GALNT14: variants seen among roughly 807,000 people sequenced by gnomAD.
The protein encoded by GALNT14 is polypeptide N-acetylgalactosaminyltransferase 14, also known as UDP-GalNAc:polypeptide N-acetylgalactosaminyltransferase 14.
In GALNT14, 60 loss-of-function variants were observed where a neutral mutation model predicts 77.5. The observed-to-expected ratio is 0.77, with a 90% CI of 0.63 to 0.96. The LOEUF is 0.96. Among genes scored for constraint, GALNT14 ranks in the 40% least tolerant of loss-of-function variants. The pLI is 0.00. For missense variants in GALNT14, 710 were observed against 731.0 expected, an observed-to-expected ratio of 0.97 and a Z score of 0.33; for synonymous variants, 280 against 281.7, an observed-to-expected ratio of 0.99 and a Z score of 0.06.
At chr2:31,046,621 T>C (rs62140634) in intron 1 of GALNT14, among the ~76,000 whole-genome samples, 65,247 of 151,886 alleles carry the variant, frequency 0.43, 14,327 homozygotes, top group East Asian at 0.55. Context: ...ATTATGTAGT[T>C]GGAAACTTAT....
chr2:31,008,534 C>A (rs1350938581), intron 1 of GALNT14, among the ~76,000 whole-genome samples: 2 of 152,148 alleles, frequency 1.3e-5, no homozygotes, highest in South Asian at 4.1e-4. Context: ...TCCCCCCAGC[C>A]TTGCTGTCTC....
intron 2 of GALNT14, among the ~76,000 whole-genome samples, chr2:30,975,451 C>A (rs1668576734): frequency 6.6e-6 from 1 of 152,108 alleles, no homozygotes; most frequent in African/African-American, 2.4e-5. Flanking sequence ...GTAAAATATG[C>A]CCAAGATGTC....
the GALNT14 span, among the ~76,000 whole-genome samples, chr2:30,898,706 G>T: frequency 1.3e-5 from 2 of 152,154 alleles, no homozygotes; most frequent in African/African-American, 4.8e-5. Flanking sequence ...TCACAGAAAG[G>T]CTTTTTGCTT....
chr2:30,888,808 T>C, the GALNT14 span, among the ~76,000 whole-genome samples: 1 of 152,182 alleles, frequency 6.6e-6, no homozygotes, highest in Non-Finnish European at 1.5e-5. Flanking sequence ...CCAGGTTAGC[T>C]AAATCTGTGG....
the GALNT14 span, among the ~76,000 whole-genome samples, chr2:30,890,024 G>C: frequency 1.3e-5 from 2 of 152,130 alleles, no homozygotes; most frequent in African/African-American, 4.8e-5. Flanking sequence ...AAAGAGGGGT[G>C]TAGAAGAAAA....
intron 1 of GALNT14, among the ~76,000 whole-genome samples, chr2:31,028,271 C>T (rs1259657029): frequency 6.6e-6 from 1 of 152,134 alleles, no homozygotes; most frequent in Non-Finnish European, 1.5e-5. Context: ...AGCCATTTCC[C>T]TCCTCTGAGG....
intron 10 of GALNT14, among the ~76,000 whole-genome samples, chr2:30,930,383 A>G (rs1030296117): frequency 6.6e-6 from 1 of 152,228 alleles, no homozygotes; most frequent in Non-Finnish European, 1.5e-5. Context: ...GGTGTAAAGA[A>G]CTAAGTAATC....
At chr2:30,979,560 G>A (rs910808410) in intron 2 of GALNT14, among the ~76,000 whole-genome samples, 1 of 152,102 alleles carries the variant, frequency 6.6e-6, no homozygotes, top group African/African-American at 2.4e-5. Context: ...GGAGGGGAGA[G>A]CAGTTTGGAT....
At chr2:31,086,750 T>C (rs1438707574) in intron 1 of GALNT14, among the ~76,000 whole-genome samples, 1 of 152,170 alleles carries the variant, frequency 6.6e-6, no homozygotes. Context: ...ACCTAAGGAA[T>C]GGTTGGTGCA....
intron 2 of GALNT14, among the ~76,000 whole-genome samples, chr2:30,984,631 C>T (rs1432986233): frequency 6.6e-6 from 1 of 152,208 alleles, no homozygotes; most frequent in Non-Finnish European, 1.5e-5. Flanking sequence ...TCCTATAAAA[C>T]ACTGGCTCTT....
At chr2:31,114,834 C>A in intron 1 of GALNT14, 2 of 716,906 alleles carry the variant, frequency 2.8e-6, no homozygotes. Context: ...CCTCCTAAGT[C>A]CCAAAGATAA....
intron 1 of GALNT14, among the ~76,000 whole-genome samples, chr2:31,042,597 T>C (rs753944841): frequency 6.6e-6 from 1 of 152,150 alleles, no homozygotes; most frequent in Admixed American, 6.5e-5. Flanking sequence ...TCCATCTCCA[T>C]TGATGGCAAC....
chr2:31,063,652 G>C (rs1674746331), intron 1 of GALNT14, among the ~76,000 whole-genome samples: 1 of 152,192 alleles, frequency 6.6e-6, no homozygotes, highest in African/African-American at 2.4e-5. Context: ...ACTTTGGGCA[G>C]TATGGCCACT....
intron 1 of GALNT14, among the ~76,000 whole-genome samples, chr2:31,088,657 T>C (rs1406821453): frequency 1.3e-5 from 2 of 152,204 alleles, no homozygotes; most frequent in African/African-American, 2.4e-5. Flanking sequence ...GGTTATTGGT[T>C]GTGCAGAATT....
the GALNT14 span, among the ~76,000 whole-genome samples, chr2:30,889,959 A>G: frequency 2.0e-5 from 3 of 152,160 alleles, no homozygotes; most frequent in Non-Finnish European, 4.4e-5. Context: ...GCTGCATTAA[A>G]CCGTGAGTAT....
chr2:30,935,927 A>C (rs1437904719), intron 9 of GALNT14, among the ~76,000 whole-genome samples: 1 of 152,188 alleles, frequency 6.6e-6, no homozygotes, highest in Admixed American at 6.5e-5. Flanking sequence ...GCACCTGCAC[A>C]GTCATCATTT....
intron 1 of GALNT14, among the ~76,000 whole-genome samples, chr2:31,021,092 C>T (rs1016727393): frequency 2.6e-5 from 4 of 151,984 alleles, no homozygotes; most frequent in African/African-American, 7.3e-5. Context: ...CATCTCGGAG[C>T]CAAGAGAGAC....
At chr2:30,966,071 A>C (rs1045186030) in intron 3 of GALNT14, 133 bp downstream of exon 3, 1 of 655,860 alleles carries the variant, frequency 1.5e-6, no homozygotes, top group Admixed American at 2.3e-5. Context: ...CACATGTGAC[A>C]TATAGAATAG....
intron 1 of GALNT14, among the ~76,000 whole-genome samples, chr2:30,994,225 C>T (rs1042319110): frequency 1.3e-5 from 2 of 152,108 alleles, no homozygotes; most frequent in Admixed American, 1.3e-4. Context: ...ACCCAGTGGC[C>T]GTGCAAGTGT....
Sources: gnomAD v4.1 joint callset for allele counts (sites outside exome capture counted in the v4.1 genomes callset) on GRCh38, gnomAD v4.1.1 for gene constraint, MANE v1.5 for transcripts, NCBI Gene and HGNC (gene_info 2026-07-23, HGNC 2026-07-21) for gene names.